Variants in PTPRK observed in about 807,000 individuals in gnomAD.
PTPRK encodes the protein receptor-type tyrosine-protein phosphatase kappa.
In PTPRK, 75 loss-of-function variants were observed where a neutral mutation model predicts 178.0. The observed-to-expected ratio is 0.42, with a 90% CI of 0.35 to 0.51. PTPRK has a LOEUF of 0.51. PTPRK is among the 20% of genes least tolerant of loss of function. The pLI, the probability that PTPRK is intolerant of heterozygous loss-of-function variation, is 0.02. For synonymous variants in PTPRK, 637 were observed against 620.6 expected (o/e 1.03, Z -0.39); for missense variants, 1,441 against 1,797.8 (o/e 0.80, Z 3.59).
intron 1 of PTPRK, among the ~76,000 whole-genome samples, chr6:128,506,074 T>C (rs1025509304): frequency 7.9e-5 from 12 of 152,248 alleles, no homozygotes; most frequent in African/African-American, 2.9e-4. Flanking sequence ...GTTTAGCATA[T>C]GTGTCAAATG....
At chr6:128,450,439 T>C (rs17459584) in intron 1 of PTPRK, among the ~76,000 whole-genome samples, 2,878 of 152,338 alleles carry the variant, frequency 0.019, 42 homozygotes, top group Middle Eastern at 0.037. Context: ...CTTAGAAATA[T>C]ATACCAAAAT....
chr6:128,007,137 T>C lies in PTPRK; in HGVS notation c.2334-1893A>G, dbSNP rs1583614646. Among the ~76,000 whole-genome samples, 3 of 150,984 alleles carry C rather than the reference T, an allele frequency of 2.0e-5. No homozygotes were observed. The South Asian group carries it at 6.2e-4, about 31-fold the overall frequency. On this transcript the variant is annotated intron_variant, in intron 14 of 29. Coordinates refer to ENST00000368226, the MANE Select transcript of PTPRK (RefSeq NM_002844.4). ...TAATATCCAATGCAATGCTGCTATATCTATACTTTTTTATATGTATGATAA... is the reference window on the plus strand; with the variant it reads ...TAATATCCAATGCAATGCTGCTATACCTATACTTTTTTATATGTATGATAA...
chr6:128,210,628 T>C (rs889569377), intron 6 of PTPRK, among the ~76,000 whole-genome samples: 17 of 151,944 alleles, frequency 1.1e-4, no homozygotes, highest in Non-Finnish European at 2.5e-4. Flanking sequence ...AGGTGAGTGA[T>C]AAAGAACAAA....
At chr6:127,986,221 C>T (rs958614015) in intron 21 of PTPRK, among the ~76,000 whole-genome samples, 13 of 152,100 alleles carry the variant, frequency 8.5e-5, no homozygotes, top group African/African-American at 2.9e-4. Context: ...TAAAATGCTG[C>T]CCCATTGACC....
Position 127,985,191 on chromosome 6 carries a change from C to T in PTPRK, c.3251+530G>A, listed in dbSNP as rs185623266. Among the ~76,000 whole-genome samples, 539 of 152,148 alleles carry T rather than the reference C, an allele frequency of 3.5e-3. 2 individuals are homozygous for T. The highest frequency in any genetic ancestry group is 0.012 in the African/African-American group (483 of 41,506). On this transcript the variant is annotated intron_variant, in intron 22 of 29. Transcript: ENST00000368226. Reference sequence around the variant, plus strand: ...CAGAAGAAAGTCTGGATATAATGCTCGTGTTTTTTGGCATATATTTGCTGA... The same window carrying T: ...CAGAAGAAAGTCTGGATATAATGCTTGTGTTTTTTGGCATATATTTGCTGA...
intron 13 of PTPRK, among the ~76,000 whole-genome samples, chr6:128,013,799 T>C (rs1779300999): frequency 6.6e-6 from 1 of 151,516 alleles, no homozygotes; most frequent in Non-Finnish European, 1.5e-5. Context: ...TTCAGATCAG[T>C]ATCCTCTCAG....
At chr6:128,056,638 C>A (rs540450235) in intron 13 of PTPRK, among the ~76,000 whole-genome samples, 13 of 152,090 alleles carry the variant, frequency 8.5e-5, no homozygotes, top group African/African-American at 3.1e-4. Context: ...GTTGGCCAGG[C>A]TGGTCTCGAA....
At chr6:128,091,179 G>A (rs752527431) in intron 7 of PTPRK, among the ~76,000 whole-genome samples, 14 of 151,978 alleles carry the variant, frequency 9.2e-5, no homozygotes, top group Non-Finnish European at 1.8e-4. Context: ...ATTTATCTTC[G>A]GTAGAATCTA....
At chr6:128,467,468 T>C (rs1231633469) in intron 1 of PTPRK, among the ~76,000 whole-genome samples, 4 of 152,222 alleles carry the variant, frequency 2.6e-5, no homozygotes, top group Non-Finnish European at 5.9e-5. Context: ...AACTACATCC[T>C]AACCGTAAGA....
intron 13 of PTPRK, among the ~76,000 whole-genome samples, chr6:128,028,769 C>T (rs930691031): frequency 6.6e-6 from 1 of 152,118 alleles, no homozygotes; most frequent in Non-Finnish European, 1.5e-5. Context: ...AAGTGTGCAA[C>T]AAAATTGTGT....
chr6:128,199,066 C>T (rs953489953), intron 6 of PTPRK, among the ~76,000 whole-genome samples: 1 of 152,154 alleles, frequency 6.6e-6, no homozygotes, highest in African/African-American at 2.4e-5. Context: ...GCCAGTACCT[C>T]CTTGAGCTGA....
chr6:128,197,590 T>C (rs1283949057), intron 6 of PTPRK, among the ~76,000 whole-genome samples: 1 of 152,144 alleles, frequency 6.6e-6, no homozygotes, highest in Non-Finnish European at 1.5e-5. Context: ...TTTTCTTCTT[T>C]ATAAAACCAA....
At chr6:128,245,346 TTAAATTTAAA>T (rs963388973) in intron 3 of PTPRK, among the ~76,000 whole-genome samples, 2 of 152,190 alleles carry the variant, frequency 1.3e-5, no homozygotes, top group Non-Finnish European at 2.9e-5. Context: ...TAAGTAAATT[TTAAATTTAAA>T]AAATGAATTT....
chr6:128,368,103 T>A (rs1000551963), intron 2 of PTPRK, among the ~76,000 whole-genome samples: 5 of 152,104 alleles, frequency 3.3e-5, no homozygotes, highest in African/African-American at 1.2e-4. Flanking sequence ...GATTTAAATC[T>A]ACAGGTGTCA....
intron 2 of PTPRK, among the ~76,000 whole-genome samples, chr6:128,394,861 T>C (rs1357792382): frequency 6.6e-6 from 1 of 152,158 alleles, no homozygotes; most frequent in Non-Finnish European, 1.5e-5. Context: ...CATCCTTTTT[T>C]CTCTCACTCT....
At chr6:128,014,623 T>C (rs1290977269) in intron 13 of PTPRK, among the ~76,000 whole-genome samples, 1 of 151,516 alleles carries the variant, frequency 6.6e-6, no homozygotes, top group African/African-American at 2.4e-5. Context: ...GTCCATTACA[T>C]AGAAATGAAA....
chr6:128,340,989 A>C (rs532041410), intron 2 of PTPRK, among the ~76,000 whole-genome samples: 1 of 152,286 alleles, frequency 6.6e-6, no homozygotes, highest in South Asian at 2.1e-4. Context: ...TACTATATTT[A>C]TTGTTAGTAA....
chr6:128,500,964 C>G lies in PTPRK; in HGVS notation c.100+19295G>C, dbSNP rs537754668. On this transcript the variant is annotated intron_variant, in intron 1 of 29. Coordinates refer to ENST00000368226, the MANE Select transcript of PTPRK (RefSeq NM_002844.4). The stretch of plus-strand genomic sequence containing the variant: ...TAATCTCGACTTATTGCAACCTCCA[C>G]CTCCTGGGCTCAAGCAATCCTCCTG... 2.6e-5 allele frequency: 4 copies of G among 152,490 alleles called. No individual in the cohort carries two copies. In the East Asian group the frequency reaches 5.8e-4, roughly 22 times the overall value. 9.4% of individuals were successfully genotyped at this position (152,490 alleles called of 1,614,324 possible).
intron 2 of PTPRK, among the ~76,000 whole-genome samples, chr6:128,348,133 A>G (rs983298436): frequency 1.3e-5 from 2 of 152,086 alleles, no homozygotes; most frequent in Non-Finnish European, 2.9e-5. Context: ...TTATAGCATT[A>G]TTATTACAGA....
Sources: gnomAD v4.1 joint callset for allele counts (sites outside exome capture counted in the v4.1 genomes callset) on GRCh38, gnomAD v4.1.1 for gene constraint, MANE v1.5 for transcripts, NCBI Gene and HGNC (gene_info 2026-07-23, HGNC 2026-07-21) for gene names.